Variants in ARFGEF3 observed in about 807,000 individuals in gnomAD.
ARFGEF3 encodes the protein brefeldin A-inhibited guanine nucleotide-exchange protein 3.
A neutral mutation model predicts 221.7 loss-of-function variants in ARFGEF3; 96 were observed. That is an observed-to-expected ratio of 0.43 (90% CI 0.37 to 0.51). ARFGEF3 has a LOEUF of 0.51. Ranked by LOEUF, ARFGEF3 falls within the 20% of genes least tolerant of loss-of-function variation. The pLI is 0.00. For synonymous variants in ARFGEF3, 1,145 were observed against 1,126.8 expected (o/e 1.02, Z -0.32); for missense variants, 2,410 against 2,789.9 (o/e 0.86, Z 3.07).
At chr6:138,177,172 C>T (rs1286326688) in intron 2 of ARFGEF3, among the ~76,000 whole-genome samples, 1 of 151,964 alleles carries the variant, frequency 6.6e-6, no homozygotes, top group Non-Finnish European at 1.5e-5. Flanking sequence ...TCACTGCAAC[C>T]TCTGCCTCCC....
intron 10 of ARFGEF3, among the ~76,000 whole-genome samples, chr6:138,260,400 C>T (rs1282162697): frequency 1.3e-5 from 2 of 152,218 alleles, no homozygotes; most frequent in Non-Finnish European, 2.9e-5. Flanking sequence ...AGACACACTG[C>T]ATTAACCTTC....
chr6:138,248,193 G>C (rs1482707709), intron 8 of ARFGEF3, among the ~76,000 whole-genome samples: 1 of 152,164 alleles, frequency 6.6e-6, no homozygotes, highest in East Asian at 1.9e-4. Context: ...TGGTCATATA[G>C]AGCCCTTTTA....
chr6:138,267,368 T>C (rs1461361851), intron 12 of ARFGEF3, among the ~76,000 whole-genome samples: 1 of 152,088 alleles, frequency 6.6e-6, no homozygotes, highest in African/African-American at 2.4e-5. Context: ...GAGGTTGCAG[T>C]GAGCCGAGAT....
intron 12 of ARFGEF3, among the ~76,000 whole-genome samples, chr6:138,275,605 G>A (rs570288882): frequency 6.6e-6 from 1 of 152,122 alleles, no homozygotes; most frequent in East Asian, 1.9e-4. Context: ...TTAGCTGCAT[G>A]TGGTGGTGCA....
At chr6:138,281,443 A>G (rs555883601) in intron 14 of ARFGEF3, among the ~76,000 whole-genome samples, 1 of 152,340 alleles carries the variant, frequency 6.6e-6, no homozygotes, top group Non-Finnish European at 1.5e-5. Flanking sequence ...AGTAGCCAAC[A>G]GTTTTCAACC....
rs763555591 is a variant in ARFGEF3, at chr6:138,280,021, A to G, written c.2318A>G (p.Gln773Arg). 6.2e-7 allele frequency: 1 copy of G among 1,613,954 alleles called. No individual in the cohort carries two copies. Among genetic ancestry groups the G allele is most frequent in the South Asian group, 1.1e-5 (1 of 91,082 alleles). Reference protein sequence around the residue: ...GVMKDFMKQVQTSGVLMVFSQ... With the variant: ...GVMKDFMKQVRTSGVLMVFSQ... ...TAGAAGGACTTCATGAAGCAGGTGCAGACCAGCGGCGTGCTGATGGTCTTC... is the reference window on the plus strand; with the variant it reads ...TAGAAGGACTTCATGAAGCAGGTGCGGACCAGCGGCGTGCTGATGGTCTTC... The change falls in exon 14 of 34, where the codon CAG becomes CGG. Residue 773 changes from glutamine (Q) to arginine (R), a missense_variant. Physicochemically the swap from Gln to Arg is conservative, Grantham distance 43. Around this residue, in one of 5 missense-constraint regions of ARFGEF3, gnomAD observed 594 missense variants for 734.3 expected, o/e 0.81. Coordinates refer to ENST00000251691, the MANE Select transcript of ARFGEF3 (RefSeq NM_020340.5).
At chr6:138,242,916 A>T in intron 6 of ARFGEF3, 36 bp from the exon 7 acceptor site, 2 of 1,576,552 alleles carry the variant, frequency 1.3e-6, no homozygotes, top group South Asian at 1.1e-5. Flanking sequence ...TTCTTGCCTG[A>T]ATCTCCTAAT....
At chr6:138,216,435 A>G (rs1411988259) in intron 4 of ARFGEF3, 2 of 152,174 alleles carry the variant, frequency 1.3e-5, no homozygotes, top group Non-Finnish European at 2.9e-5. Context: ...GTGCTTTTAA[A>G]TTATGTATCA....
At chr6:138,203,158 A>ATGTG (rs68102875) in intron 2 of ARFGEF3, among the ~76,000 whole-genome samples, 3 of 150,660 alleles carry the variant, frequency 2.0e-5, no homozygotes, top group Admixed American at 1.3e-4. Flanking sequence ...GATTGTGTGT[A>ATGTG]TGTGTGTGTG....
intron 12 of ARFGEF3, among the ~76,000 whole-genome samples, chr6:138,272,916 T>C (rs1388697703): frequency 6.6e-6 from 1 of 152,244 alleles, no homozygotes; most frequent in East Asian, 1.9e-4. Context: ...CTAACATTAA[T>C]TTCATCATTT....
At position 138,196,733 on chromosome 6, in the gene ARFGEF3, T is replaced by A. The variant is rs189998474; in HGVS notation, c.138-10309T>A. Among the ~76,000 whole-genome samples the A allele has an allele frequency of 2.1e-4, 32 of 152,334 alleles. No homozygotes were observed. The East Asian group carries it at 5.0e-3, about 24-fold the overall frequency. ...TTTAAACTTTTTAATTTTTTAACTT[T>A]TTGATTCTTTGAAGTAACACTTTGC... On this transcript the variant is annotated intron_variant, in intron 2 of 33. Transcript: ENST00000251691.
chr6:138,341,548 G>A lies in ARFGEF3; in HGVS notation c.*5062G>A, dbSNP rs1383109133. ...AGTGTGGCCTTAGGAAAGCAAAAGA[G>A]CACTTTTTATTGGAAATATGAGCTT... On this transcript the variant is annotated 3_prime_UTR_variant, in exon 34 of 34. Transcript: ENST00000251691. The A allele has an allele frequency of 6.5e-6, 1 of 153,584 alleles. No homozygotes were observed. Among genetic ancestry groups the A allele is most frequent in the Non-Finnish European group, 1.5e-5 (1 of 68,188 alleles). The allele number at this position is 153,584 out of a possible 1,614,324, so 9.5% of individuals were successfully genotyped here.
intron 24 of ARFGEF3, 134 bp downstream of exon 24, chr6:138,308,995 T>G (rs1409110469): frequency 6.4e-6 from 7 of 1,089,750 alleles, no homozygotes; most frequent in Non-Finnish European, 2.6e-6. Context: ...GGTGGTGTTG[T>G]GTACTCAAAA....
intron 27 of ARFGEF3, 37 bp from the exon 28 acceptor site, chr6:138,319,666 A>G: frequency 6.6e-7 from 1 of 1,512,082 alleles, no homozygotes; most frequent in Non-Finnish European, 8.9e-7. Context: ...CTTCCCTTTT[A>G]TTACAGGTTG....
intron 20 of ARFGEF3, among the ~76,000 whole-genome samples, chr6:138,294,385 A>G (rs535831497): frequency 8.5e-5 from 13 of 152,358 alleles, no homozygotes; most frequent in African/African-American, 3.1e-4. Flanking sequence ...TGTTCTGCTA[A>G]GTTTTGTGCT....
Position 138,334,086 on chromosome 6 carries a change from C to G in ARFGEF3, c.5240C>G (p.Thr1747Arg). 6.2e-7 allele frequency: 1 copy of G among 1,613,890 alleles called. No individual in the cohort carries two copies. Among genetic ancestry groups the G allele is most frequent in the Non-Finnish European group, 8.5e-7 (1 of 1,179,868 alleles). Residue 1747 changes from threonine to arginine, a missense_variant, in exon 33 of 34, where the codon ACG becomes AGG. Thr to Arg is a moderately conservative substitution (Grantham distance 71). Transcript: ENST00000251691. The surrounding 1 kb of genome is among the most constrained non-coding windows in gnomAD (Gnocchi z 5.1). ...GGCCCCTCTCCTGGAGAGGAAAAGA[C>G]GATACAAGTGCCAGAAGCCAAGCTG... ...VKGPSPGEEK[T>R]IQVPEAKLAG...
intron 5 of ARFGEF3, among the ~76,000 whole-genome samples, chr6:138,234,767 CTG>C (rs1778254715): frequency 6.6e-6 from 1 of 152,112 alleles, no homozygotes; most frequent in South Asian, 2.1e-4. Context: ...TTTTTAATCA[CTG>C]TAAATTATTT....
chr6:138,279,725 C>G (rs942380467), intron 13 of ARFGEF3, among the ~76,000 whole-genome samples: 1 of 152,160 alleles, frequency 6.6e-6, no homozygotes, highest in Non-Finnish European at 1.5e-5. Flanking sequence ...TGTGCAATTG[C>G]AAACCTTTCC....
intron 27 of ARFGEF3, 66 bp downstream of exon 27, chr6:138,317,445 T>A: frequency 6.3e-7 from 1 of 1,586,904 alleles, no homozygotes; most frequent in South Asian, 1.1e-5. Context: ...AAGAGGGTAT[T>A]TCTGCAGGTG....
Sources: gnomAD v4.1 joint callset for allele counts (sites outside exome capture counted in the v4.1 genomes callset) on GRCh38, gnomAD v4.1.1 for gene constraint, gnomAD v4.1.1 regional missense constraint, Gnocchi (gnomAD v3.1) non-coding constraint, MANE v1.5 for transcripts, NCBI Gene and HGNC (gene_info 2026-07-23, HGNC 2026-07-21) for gene names.